The following METTL15 variants were observed in gnomAD, a reference collection of about 807,000 sequenced individuals.
The protein encoded by METTL15 is 12S rRNA N(4)-cytidine methyltransferase METTL15.
Under a neutral mutation model 38.3 loss-of-function variants are expected in METTL15, and 34 were observed. The ratio of observed to expected loss-of-function variants is 0.89; its 90% CI spans 0.68 to 1.18. The LOEUF is 1.18. METTL15 is among the 50% of genes most tolerant of loss of function. The pLI, the probability that METTL15 is intolerant of heterozygous loss-of-function variation, is 0.00. For missense variants in METTL15, 438 were observed against 498.4 expected (o/e 0.88, Z 1.15); for synonymous variants, 162 against 170.9 (o/e 0.95, Z 0.41).
At chr11:28,330,180 C>A (rs1166820181) in intron 6 of METTL15, among the ~76,000 whole-genome samples, 1 of 152,080 alleles carries the variant, frequency 6.6e-6, no homozygotes, top group Non-Finnish European at 1.5e-5. Context: ...CTCCAATTAT[C>A]CTTATGAGTT....
rs1590388148 is a variant in METTL15, at chr11:28,477,164, T to C, written c.*425-49314T>C. Among the ~76,000 whole-genome samples, 4 of 152,278 alleles carry C rather than the reference T, an allele frequency of 2.6e-5. No individual in the cohort carries two copies. In the South Asian group the frequency reaches 8.3e-4, roughly 32 times the overall value. On this transcript the variant is annotated intron_variant and NMD_transcript_variant, in intron 6 of 7. Transcript: ENST00000532947. ...ATAACTTTTTGTTCCAGTTTCTTTA[T>C]GTATGGTCATATTGCAATTTATTTT... is the stretch of plus-strand genomic sequence containing the variant.
At chr11:28,501,800 C>G (rs888463552) in intron 6 of METTL15, among the ~76,000 whole-genome samples, 1 of 152,052 alleles carries the variant, frequency 6.6e-6, no homozygotes, top group African/African-American at 2.4e-5. Context: ...GTACCATGTG[C>G]ACTCAAGAAC....
At chr11:28,112,405 T>G (rs537788492) in intron 2 of METTL15, among the ~76,000 whole-genome samples, 1 of 152,314 alleles carries the variant, frequency 6.6e-6, no homozygotes, top group South Asian at 2.1e-4. Flanking sequence ...GAAAGAATAG[T>G]GTTAACTGGG....
At chr11:28,352,023 G>A (rs1850046121) in intron 3 of METTL15, 1 of 152,140 alleles carries the variant, frequency 6.6e-6, no homozygotes, top group South Asian at 2.1e-4. Context: ...TATAGTATAG[G>A]TATTGTGATT....
intron 5 of METTL15, among the ~76,000 whole-genome samples, chr11:28,381,196 G>T (rs771088106): frequency 2.0e-5 from 3 of 151,998 alleles, no homozygotes; most frequent in South Asian, 2.1e-4. Context: ...ATGGGGTCTT[G>T]TTATGCTGGC....
intron 6 of METTL15, among the ~76,000 whole-genome samples, chr11:28,477,206 A>G (rs979328447): frequency 5.9e-5 from 9 of 152,058 alleles, no homozygotes; most frequent in Non-Finnish European, 1.0e-4. Flanking sequence ...TTTTTTTGAG[A>G]TGGCGTCTCA....
chr11:28,478,817 A>G (rs577675142), intron 6 of METTL15, among the ~76,000 whole-genome samples: 1 of 152,310 alleles, frequency 6.6e-6, no homozygotes, highest in Non-Finnish European at 1.5e-5. Flanking sequence ...CCAAGGGGCC[A>G]TAAGTGACTT....
In METTL15 at chr11:28,330,974, T is replaced by C. The variant is rs1327662295; in HGVS notation, c.*133T>C. ...AAATTGATAGCATTTAGCATTTCTT[T>C]TTTCTCAAAAAGAAACTGTAGGAAA... On this transcript the variant is annotated 3_prime_UTR_variant, in exon 7 of 7. Coordinates refer to ENST00000407364, the MANE Select transcript of METTL15 (RefSeq NM_001113528.2). 6.2e-6 allele frequency: 4 copies of C among 640,306 alleles called. No homozygotes were observed. The East Asian group carries it at 1.1e-4, about 18-fold the overall frequency. 39.7% of individuals were successfully genotyped at this position (640,306 alleles called of 1,614,324 possible). A position where few individuals can be genotyped will look rare whatever the true frequency, so the allele number is the denominator to read the frequency against.
intron 3 of METTL15, among the ~76,000 whole-genome samples, chr11:28,164,684 T>G (rs1590846684): frequency 6.6e-6 from 1 of 152,224 alleles, no homozygotes; most frequent in East Asian, 1.9e-4. Flanking sequence ...AAATTAACTC[T>G]TTTAGCTATT....
rs180729804 is a variant in METTL15, at chr11:28,216,850, T to C, written c.407+5652T>C. Among the ~76,000 whole-genome samples, 3 of 151,628 alleles carry C rather than the reference T, an allele frequency of 2.0e-5. No individual in the cohort carries two copies. The East Asian group carries it at 5.9e-4, about 30-fold the overall frequency. On this transcript the variant is annotated intron_variant, in intron 4 of 6. Transcript: ENST00000407364. ...CCTTGCGATAGTTTGCTGAGAATGA[T>C]GGTTTCCAGCCTCATCCATGTCCCT...
intron 6 of METTL15, among the ~76,000 whole-genome samples, chr11:28,462,156 C>T (rs934972617): frequency 1.3e-5 from 2 of 151,974 alleles, no homozygotes; most frequent in African/African-American, 2.4e-5. Flanking sequence ...CTGTTAGGGC[C>T]AGAGAAGGGC....
At chr11:28,446,111 C>T (rs1006080588) in intron 6 of METTL15, among the ~76,000 whole-genome samples, 2 of 152,070 alleles carry the variant, frequency 1.3e-5, no homozygotes, top group African/African-American at 4.8e-5. Context: ...ATATGTGGAG[C>T]ATCTGTAACC....
In METTL15 at chr11:28,285,627, A is replaced by G. The variant is rs185705818; in HGVS notation, c.408-4579A>G. Among the ~76,000 whole-genome samples the G allele has an allele frequency of 5.3e-5, 8 of 152,242 alleles. No homozygotes were observed. The East Asian group carries it at 1.5e-3, about 29-fold the overall frequency. On this transcript the variant is annotated intron_variant, in intron 4 of 6. Transcript: ENST00000407364. ...ACTTAAAACTTCAGGAGTACATTGT[A>G]TTTTAGGTGAGGCTCAATTCAGTGG...
intron 3 of METTL15, among the ~76,000 whole-genome samples, chr11:28,347,341 GA>G (rs1022689039): frequency 6.6e-6 from 1 of 152,188 alleles, no homozygotes; most frequent in Non-Finnish European, 1.5e-5. Context: ...TACTTTGGCT[GA>G]AGGATTCATG....
At chr11:28,383,628 GTTAT>G (rs1274518375) in intron 5 of METTL15, among the ~76,000 whole-genome samples, 7 of 152,044 alleles carry the variant, frequency 4.6e-5, no homozygotes, top group African/African-American at 1.7e-4. Flanking sequence ...ACCAGCATCT[GTTAT>G]TTTTGACTTT....
intron 6 of METTL15, among the ~76,000 whole-genome samples, chr11:28,522,261 C>A (rs776231538): frequency 6.6e-6 from 1 of 152,024 alleles, no homozygotes; most frequent in East Asian, 1.9e-4. Flanking sequence ...AAAACTGAAC[C>A]GGTGGGATGT....
intron 4 of METTL15, among the ~76,000 whole-genome samples, chr11:28,260,180 A>G (rs1855144125): frequency 6.6e-6 from 1 of 152,176 alleles, no homozygotes; most frequent in African/African-American, 2.4e-5. Context: ...TTCTGTACTA[A>G]GAACATATCA....
At chr11:28,142,622 C>T (rs1237460269) in intron 3 of METTL15, among the ~76,000 whole-genome samples, 2 of 152,020 alleles carry the variant, frequency 1.3e-5, no homozygotes, top group Admixed American at 6.6e-5. Flanking sequence ...AACGTGAAAG[C>T]CCATTGTGGC....
At chr11:28,428,651 C>T (rs140198688) in intron 6 of METTL15, among the ~76,000 whole-genome samples, 34 of 152,298 alleles carry the variant, frequency 2.2e-4, no homozygotes, top group African/African-American at 7.7e-4. Flanking sequence ...CTAACACTAA[C>T]ATGGACTCTG....
Sources: allele counts gnomAD v4.1 joint callset (sites outside exome capture counted in the v4.1 genomes callset), GRCh38; gene constraint gnomAD v4.1.1; transcripts MANE v1.5; gene names NCBI Gene and HGNC (gene_info 2026-07-23, HGNC 2026-07-21).